KRI1: variants seen among roughly 807,000 people sequenced by gnomAD.
The protein encoded by KRI1 is protein KRI1 homolog.
Under a neutral mutation model 97.0 loss-of-function variants are expected in KRI1, and 83 were observed. The ratio of observed to expected loss-of-function variants is 0.86; its 90% CI spans 0.72 to 1.03. The LOEUF is 1.03. KRI1 is among the 50% of genes least tolerant of loss of function. KRI1 has a pLI of 0.00. For missense variants in KRI1, 916 were observed against 928.4 expected (o/e 0.99, Z 0.17); for synonymous variants, 371 against 363.5 (o/e 1.02, Z -0.23).
chr19:10,560,538 T>C (rs1399188824), intron 8 of KRI1, 90 bp from the exon 9 acceptor site: 4 of 927,746 alleles, frequency 4.3e-6, no homozygotes, highest in Non-Finnish European at 6.6e-6. Context: ...AGCCAGCCTC[T>C]GGAGTAGGTG....
chr19:10,560,288 T>A, intron 9 of KRI1, 24 bp downstream of exon 9: 1 of 1,586,622 alleles, frequency 6.3e-7, no homozygotes, highest in Non-Finnish European at 8.6e-7. Flanking sequence ...AAAATCTAGG[T>A]CCTGGGGAGA....
At position 10,557,973 on chromosome 19, in the gene KRI1, T is replaced by C. The variant is rs771239194; in HGVS notation, c.1358A>G (p.Asn453Ser). ...ACTCCCTCAACCCGTGATACCTACG[T>C]TGAAGTTGGGGTCCTCACAGTGCAG... ...QELHCEDPNFNMDADYDPSQP... is the reference protein window; with the variant it reads ...QELHCEDPNFSMDADYDPSQP... Residue 453 changes from asparagine to serine, a missense_variant and splice_region_variant, in exon 14 of 19, where the codon AAC becomes AGC. Asn to Ser is a conservative substitution (Grantham distance 46, BLOSUM62 1). This residue lies in a region of KRI1 where 672 missense variants were observed against 667.2 expected (regional missense o/e 1.01). Coordinates refer to ENST00000312962, the MANE Select transcript of KRI1 (RefSeq NM_023008.5). The C allele has an allele frequency of 6.2e-7, 1 of 1,614,076 alleles. No homozygotes were observed. Among genetic ancestry groups the C allele is most frequent in the African/African-American group, 1.3e-5 (1 of 75,038 alleles).
rs1231633713 is a variant in KRI1, at chr19:10,557,902, G to A, written c.1360-7C>T. On this transcript the variant is annotated splice_region_variant and splice_polypyrimidine_tract_variant and intron_variant, in intron 14 of 18. Coordinates refer to ENST00000312962, the MANE Select transcript of KRI1 (RefSeq NM_023008.5). Reference sequence around the variant, plus strand: ...GGTCGTAGTCGGCGTCCATCTGCCAGGACGCACAGGTCAGATCCCACCAGC... The same window carrying A: ...GGTCGTAGTCGGCGTCCATCTGCCAAGACGCACAGGTCAGATCCCACCAGC... 1 of 1,613,602 alleles carries A rather than the reference G, an allele frequency of 6.2e-7. No homozygotes were observed.
Position 10,553,568 on chromosome 19 carries a change from T to TTAA in KRI1, c.*382_*383insTTA, listed in dbSNP as rs1916382699. On this transcript the variant is annotated 3_prime_UTR_variant, in exon 19 of 19. Transcript: ENST00000312962. ...ACTTCCTTACCCACAGCTACACGTG[T>TTAA]TTTTTAATTTTTTTTTTTTTTTCAA... 3.4e-5 allele frequency: 5 copies of TTAA among 148,376 alleles called. No individual in the cohort carries two copies. In the Admixed American group the frequency reaches 4.8e-4, roughly 14 times the overall value. 9.2% of individuals were successfully genotyped at this position (148,376 alleles called of 1,614,324 possible). A position where few individuals can be genotyped will look rare whatever the true frequency, so the allele number is the denominator to read the frequency against.
Position 10,565,980 on chromosome 19 carries a change from G to A in KRI1, c.20C>T (p.Ser7Leu), listed in dbSNP as rs1017084050. 13 of 1,523,620 alleles carry A rather than the reference G, an allele frequency of 8.5e-6. No homozygotes were observed. The highest frequency in any genetic ancestry group is 4.3e-5 in the African/African-American group (3 of 70,184). 94.4% of individuals were successfully genotyped at this position (1,523,620 alleles called of 1,614,324 possible). A position where few individuals can be genotyped will look rare whatever the true frequency, so the allele number is the denominator to read the frequency against. Residue 7 changes from serine to leucine, a missense_variant, in exon 1 of 19, where the codon TCG becomes TTG. Physicochemically the swap from Ser to Leu is moderately radical, Grantham distance 145. Transcript: ENST00000312962. ...CGCCGCGTTCACCCGCAGCTGCGAC[G>A]ACCCGCGCGGTTCCGGCATGGCGGT... MPEPRG[S>L]SQLRVNAAFA... is the part of the protein sequence containing the mutation.
chr19:10,561,889 C>T (rs1271268548), intron 4 of KRI1, 44 bp from the exon 5 acceptor site: 3 of 1,578,714 alleles, frequency 1.9e-6, no homozygotes, highest in Admixed American at 1.7e-5. Context: ...CTTCCAGGGC[C>T]CGCCTGTCCC....
Position 10,561,696 on chromosome 19 carries a change from A to G in KRI1, c.459T>C (p.Tyr153=), listed in dbSNP as rs372396084. 15 of 1,613,746 alleles carry G rather than the reference A, an allele frequency of 9.3e-6. No homozygotes were observed. In the South Asian group the frequency reaches 1.3e-4, roughly 14 times the overall value. The change falls in exon 6 of 19, where the codon TAT becomes TAC. Residue 153 remains tyrosine, a synonymous_variant. Coordinates refer to ENST00000312962, the MANE Select transcript of KRI1 (RefSeq NM_023008.5). The part of the protein sequence containing the change: ...HRLQETSSQS[Y]VEEQKQLKES... The stretch of plus-strand genomic sequence containing the variant: ...CCTTGAGCTGTTTCTGTTCCTCCAC[A>G]TAACTTTGCGACGATGTCTCCTGCA...
chr19:10,560,852 C>T (rs961698649), intron 8 of KRI1, 151 bp downstream of exon 8: 7 of 659,226 alleles, frequency 1.1e-5, no homozygotes, highest in Non-Finnish European at 1.3e-5. Flanking sequence ...GTGTGAACCA[C>T]GGCACCCAGC....
chr19:10,561,299 C>G lies in KRI1; in HGVS notation c.489-34G>C, dbSNP rs567769467. 1.7e-5 allele frequency: 27 copies of G among 1,581,340 alleles called. No individual in the cohort carries two copies. The South Asian group carries it at 2.9e-4, about 17-fold the overall frequency. ...GAGAGAAAACAAGCCTCAGGACAGGCAGGCTGGCCCCTGTCTGCTGCCCCA... is the reference window on the plus strand; with the variant it reads ...GAGAGAAAACAAGCCTCAGGACAGGGAGGCTGGCCCCTGTCTGCTGCCCCA... On this transcript the variant is annotated intron_variant, in intron 6 of 18. Transcript: ENST00000312962.
At position 10,562,833 on chromosome 19, in the gene KRI1, C is replaced by T. The variant is rs774779450; in HGVS notation, c.279G>A (p.Ser93=). ...KDATFYNRTA[S]SSDSEEDPEA... is the part of the protein sequence containing the mutation. ...CTGGGTCCTCCTCACTGTCTGATGA[C>T]GATGCTGTTAACCCACCAAAGACAC... Residue 93 remains serine, a synonymous_variant, in exon 4 of 19, where the codon TCG becomes TCA. Transcript: ENST00000312962. 4.4e-6 allele frequency: 7 copies of T among 1,605,222 alleles called. No homozygotes were observed. Among genetic ancestry groups the T allele is most frequent in the East Asian group, 4.5e-5 (2 of 44,838 alleles).
intron 4 of KRI1, 21 bp from the exon 5 acceptor site, chr19:10,561,866 C>G: frequency 1.2e-6 from 2 of 1,612,056 alleles, no homozygotes; most frequent in Non-Finnish European, 1.7e-6. Flanking sequence ...AAAGTGGGGT[C>G]TTCAGAATAT....
chr19:10,565,270 C>T (rs1205724131), intron 2 of KRI1: 7 of 569,622 alleles, frequency 1.2e-5, no homozygotes, highest in Admixed American at 3.3e-5. Context: ...GAAGGTAATT[C>T]CTGGGGAAGA....
Position 10,561,651 on chromosome 19 carries a change from G to A in KRI1, c.488+16C>T, listed in dbSNP as rs768181703. 59 of 1,612,680 alleles carry A rather than the reference G, an allele frequency of 3.7e-5. No individual in the cohort carries two copies. Among genetic ancestry groups the A allele is most frequent in the Non-Finnish European group, 4.7e-5 (55 of 1,179,026 alleles). On this transcript the variant is annotated intron_variant, in intron 6 of 18. Coordinates refer to ENST00000312962, the MANE Select transcript of KRI1 (RefSeq NM_023008.5). ...AACTTTCCTCCATTGGGCCATTCCC[G>A]CCCACCCAGCCTCACCTTTCCTTGA...
chr19:10,556,909 A>G (rs998579469), intron 16 of KRI1, among the ~76,000 whole-genome samples: 5 of 151,380 alleles, frequency 3.3e-5, no homozygotes, highest in African/African-American at 1.2e-4. Flanking sequence ...AGGCTGAGGT[A>G]GGAGGATCAA....
rs1381688248 is a variant in KRI1 at position 10,560,021 on chromosome 19, T to C, written c.801-85A>G. Reference sequence around the variant, plus strand: ...CCTGCACGCCTGGGTACGAAGCGTATGAACTCATTTAATCCTCACAAGAAC... The same window carrying C: ...CCTGCACGCCTGGGTACGAAGCGTACGAACTCATTTAATCCTCACAAGAAC... On this transcript the variant is annotated intron_variant, in intron 9 of 18. Transcript: ENST00000312962. The C allele has an allele frequency of 2.0e-6, 3 of 1,494,188 alleles. No homozygotes were observed. In the East Asian group the frequency reaches 7.0e-5, roughly 35 times the overall value. 92.6% of individuals were successfully genotyped at this position (1,494,188 alleles called of 1,614,324 possible). A position where few individuals can be genotyped will look rare whatever the true frequency, so the allele number is the denominator to read the frequency against.
chr19:10,558,412 TCCG>T (rs1232776943), intron 12 of KRI1, among the ~76,000 whole-genome samples, 173 bp from the exon 13 acceptor site: 1 of 152,072 alleles, frequency 6.6e-6, no homozygotes, highest in African/African-American at 2.4e-5. Context: ...TCCAGGATCC[TCCG>T]CCAACTCCCC....
In KRI1 at chr19:10,562,779, C is replaced by T; in HGVS notation, c.333G>A (p.Arg111=). The change falls in exon 4 of 19, where the codon CGG becomes CGA. Residue 111 remains arginine (R), a synonymous_variant. Transcript: ENST00000312962. ...PEALEKQKKV[R]PMYLKDYERK... ...TCTCGTAGTCCTTCAGGTACATGGG[C>T]CGCACTTTCTTCTGCTTCTCCAAGG... The T allele has an allele frequency of 6.2e-7, 1 of 1,613,412 alleles. No homozygotes were observed. Among genetic ancestry groups the T allele is most frequent in the Non-Finnish European group, 8.5e-7 (1 of 1,179,312 alleles).
chr19:10,558,133 A>T (rs146164594), intron 13 of KRI1, 31 bp downstream of exon 13: 2 of 1,613,334 alleles, frequency 1.2e-6, no homozygotes, highest in South Asian at 2.2e-5. Context: ...CCAGTCCCCA[A>T]TCCCCAGCCC....
At chr19:10,559,582 G>C in intron 11 of KRI1, 31 bp downstream of exon 11, 1 of 1,613,680 alleles carries the variant, frequency 6.2e-7, no homozygotes, top group Non-Finnish European at 8.5e-7. Context: ...CAGGGCTGGG[G>C]GGTCCTCCCC....
Sources: allele counts gnomAD v4.1 joint callset (sites outside exome capture counted in the v4.1 genomes callset), GRCh38; gene constraint gnomAD v4.1.1; regional missense constraint gnomAD v4.1.1; transcripts MANE v1.5; gene names NCBI Gene and HGNC (gene_info 2026-07-23, HGNC 2026-07-21).